Variants in GNAI2 observed in about 807,000 individuals in gnomAD.
The protein encoded by GNAI2 is guanine nucleotide-binding protein G(i) subunit alpha-2.
GNAI2 carries 4 observed loss-of-function variants against 36.8 expected under a neutral mutation model. The observed-to-expected ratio is 0.11, with a 90% confidence interval of 0.05 to 0.25. GNAI2 has a LOEUF of 0.25. GNAI2 is among the 10% of genes least tolerant of loss of function. GNAI2 has a pLI of 1.00. For synonymous variants in GNAI2, 194 were observed against 194.1 expected (o/e 1.00, Z 0.01); for missense variants, 230 against 481.3 (o/e 0.48, Z 4.89).
rs1046263371 is a variant in GNAI2, at chr3:50,238,041, G to T, written c.118+1588G>T. 6.6e-6 allele frequency: 1 copy of T among 152,290 alleles called. No individual in the cohort carries two copies. The highest frequency in any genetic ancestry group is 1.5e-5 in the Non-Finnish European group (1 of 68,070). The allele number at this position is 152,290 out of a possible 1,614,324, so 9.4% of individuals were successfully genotyped here. ...CTGCTGCCTCAGGGAGGAAGAGAAGGGGCGGGAAGGGGCGGCGGCCCAGCC... is the reference window on the plus strand; with the variant it reads ...CTGCTGCCTCAGGGAGGAAGAGAAGTGGCGGGAAGGGGCGGCGGCCCAGCC... On this transcript the variant is annotated intron_variant, in intron 1 of 8. Transcript: ENST00000313601. The surrounding 1 kb of genome is among the most constrained non-coding windows in gnomAD (Gnocchi z 5.0).
chr3:50,237,638 G>A (rs1212695541), intron 1 of GNAI2, among the ~76,000 whole-genome samples: 3 of 152,156 alleles, frequency 2.0e-5, no homozygotes, highest in Non-Finnish European at 4.4e-5. Flanking sequence ...CTGGGGGTGG[G>A]CCAGGGTGCC....
chr3:50,242,801 C>T lies in GNAI2; in HGVS notation c.118+6348C>T, dbSNP rs1380933762. Among the ~76,000 whole-genome samples the T allele has an allele frequency of 1.3e-5, 2 of 152,214 alleles. No individual in the cohort carries two copies. Among genetic ancestry groups the T allele is most frequent in the Non-Finnish European group, 2.9e-5 (2 of 68,044 alleles). ...AGGCCTAAAGGTGGGGTCATCTCAG[C>T]CTTGTTGGGGAGAAGATATCCTTAT... On this transcript the variant is annotated intron_variant, in intron 1 of 8. Coordinates refer to ENST00000313601, the MANE Select transcript of GNAI2 (RefSeq NM_002070.4). The surrounding 1 kb of genome is among the most constrained non-coding windows in gnomAD (Gnocchi z 4.8).
chr3:50,256,137 C>T (rs1700694186), intron 4 of GNAI2, 55 bp from the exon 5 acceptor site: 1 of 1,036,048 alleles, frequency 9.7e-7, no homozygotes, highest in Middle Eastern at 3.0e-4. Flanking sequence ...GCCCAGGGTC[C>T]AGCTAAGGAA....
At chr3:50,245,245 A>G (rs1194662386) in intron 1 of GNAI2, among the ~76,000 whole-genome samples, 1 of 151,788 alleles carries the variant, frequency 6.6e-6, no homozygotes, top group Non-Finnish European at 1.5e-5. Flanking sequence ...TGATCCGCCC[A>G]CCTCAGCCTC....
In GNAI2 at chr3:50,253,528, A is replaced by C. The variant is rs149526392; in HGVS notation, c.464+344A>C. On this transcript the variant is annotated intron_variant, in intron 4 of 8. Coordinates refer to ENST00000313601, the MANE Select transcript of GNAI2 (RefSeq NM_002070.4). This position sits in a 1 kb window ranked among gnomAD's most constrained non-coding sequence, Gnocchi z 4.2. ...GGGAGGCTGAGACAGGCGGGTCGTG[A>C]GATCAGGAGATCGAGACCATCCTGG... 3.6e-4 allele frequency among the ~76,000 whole-genome samples: 55 copies of C among 152,052 alleles called. No individual in the cohort carries two copies. The highest frequency in any genetic ancestry group is 6.9e-4 in the Non-Finnish European group (47 of 67,978).
upstream of GNAI2, among the ~76,000 whole-genome samples, chr3:50,231,372 G>A (rs1407271714): frequency 6.6e-6 from 1 of 152,188 alleles, no homozygotes; most frequent in Admixed American, 6.5e-5. Flanking sequence ...TCTGCCTCTT[G>A]GGTTCAAGCG....
intron 1 of GNAI2, among the ~76,000 whole-genome samples, chr3:50,239,131 C>T (rs150939703): frequency 1.3e-5 from 2 of 152,286 alleles, no homozygotes; most frequent in Admixed American, 1.3e-4. Context: ...AATCTGGGAC[C>T]CTGGTCTGGG....
At chr3:50,237,831 G>A (rs587697450) in intron 1 of GNAI2, among the ~76,000 whole-genome samples, 4 of 152,332 alleles carry the variant, frequency 2.6e-5, no homozygotes, top group African/African-American at 9.6e-5. Context: ...AAGTGCATGG[G>A]GGGGTGTGGC....
intron 7 of GNAI2, among the ~76,000 whole-genome samples, 185 bp from the exon 8 acceptor site, chr3:50,257,315 T>G (rs1339377432): frequency 6.6e-6 from 1 of 152,204 alleles, no homozygotes; most frequent in Non-Finnish European, 1.5e-5. Flanking sequence ...GGCATCCTCC[T>G]TCACACAGTG....
intron 1 of GNAI2, chr3:50,251,853 G>A: frequency 2.5e-6 from 3 of 1,184,200 alleles, no homozygotes; most frequent in Non-Finnish European, 2.2e-6. Flanking sequence ...CAGAGCTTGT[G>A]GGAGGCAAAG....
chr3:50,236,156 C>G, upstream of GNAI2: 2 of 1,160,960 alleles, frequency 1.7e-6, no homozygotes, highest in Non-Finnish European at 2.1e-6. This position sits in a 1 kb window ranked among gnomAD's most constrained non-coding sequence, Gnocchi z 4.0. Context: ...GCCCCACCCC[C>G]GGCCCGCCCC....
At position 50,256,840 on chromosome 3, in the gene GNAI2, G is replaced by A. The variant is rs1473721839; in HGVS notation, c.711G>A (p.Glu237=). ...ALSAYDLVLA[E]DEEMNRMHES... is the part of the protein sequence containing the mutation. ...GCGCCTATGACTTGGTGCTAGCTGA[G>A]GACGAGGAGATGGTGAGAGGATGAG... Residue 237 remains glutamate (E), a synonymous_variant, in exon 6 of 9, where the codon GAG becomes GAA. Transcript: ENST00000313601. 1 of 1,614,204 alleles carries A rather than the reference G, an allele frequency of 6.2e-7. No individual in the cohort carries two copies. Among genetic ancestry groups the A allele is most frequent in the Non-Finnish European group, 8.5e-7 (1 of 1,180,044 alleles).
rs1182860974 is a variant in GNAI2, at chr3:50,238,658, TG to T, written c.118+2206del. ...GGATGTAGGTTGGGAGTAAAGACCC[TG>T]CAGTGTGCTGCAAAGGGCTCTGACC... On this transcript the variant is annotated intron_variant, in intron 1 of 8. Transcript: ENST00000313601. This position sits in a 1 kb window ranked among gnomAD's most constrained non-coding sequence, Gnocchi z 5.0. Among the ~76,000 whole-genome samples the T allele has an allele frequency of 6.6e-6, 1 of 152,194 alleles. No individual in the cohort carries two copies. The highest frequency in any genetic ancestry group is 1.5e-5 in the Non-Finnish European group (1 of 68,024).
upstream of GNAI2, among the ~76,000 whole-genome samples, chr3:50,235,792 C>T (rs1700151406): frequency 6.6e-6 from 1 of 152,220 alleles, no homozygotes; most frequent in Non-Finnish European, 1.5e-5. Flanking sequence ...CCACCTAACT[C>T]GCCCAACTCG....
At position 50,252,749 on chromosome 3, in the gene GNAI2, A is replaced by C. The variant is rs1198132035; in HGVS notation, c.303+211A>C. Among the ~76,000 whole-genome samples, 1 of 152,182 alleles carries C rather than the reference A, an allele frequency of 6.6e-6. No individual in the cohort carries two copies. The highest frequency in any genetic ancestry group is 2.4e-5 in the African/African-American group (1 of 41,452). ...CATGGTGGCACGTGCCTGTAATCCC[A>C]GCTACTTGGGAGGCTGAAGCAGGAG... On this transcript the variant is annotated intron_variant, in intron 3 of 8. Coordinates refer to ENST00000313601, the MANE Select transcript of GNAI2 (RefSeq NM_002070.4). The surrounding 1 kb of genome is among the most constrained non-coding windows in gnomAD (Gnocchi z 4.1).
rs587681569 is a variant in GNAI2, at chr3:50,241,420, C to A, written c.118+4967C>A. Among the ~76,000 whole-genome samples the A allele has an allele frequency of 2.6e-5, 4 of 152,332 alleles. No individual in the cohort carries two copies. The South Asian group carries it at 8.3e-4, about 32-fold the overall frequency. ...GAACAGGGGTCCAAGCTATAGCTGA[C>A]CCCCTCTGCCTGCATCCTGCCCAGT... is the stretch of plus-strand genomic sequence containing the variant. On this transcript the variant is annotated intron_variant, in intron 1 of 8. Transcript: ENST00000313601. The surrounding 1 kb of genome is among the most constrained non-coding windows in gnomAD (Gnocchi z 5.0).
intron 1 of GNAI2, among the ~76,000 whole-genome samples, chr3:50,245,366 C>A (rs587689463): frequency 1.3e-5 from 2 of 152,296 alleles, no homozygotes; most frequent in Admixed American, 1.3e-4. Context: ...TGGGTTGGGC[C>A]CTGAGGCAGT....
At chr3:50,254,851 C>G (rs2109215682) in intron 4 of GNAI2, among the ~76,000 whole-genome samples, 1 of 152,352 alleles carries the variant, frequency 6.6e-6, no homozygotes, top group East Asian at 1.9e-4. Flanking sequence ...GATAGCTCCC[C>G]CTGGGAATGG....
chr3:50,258,975 C>G lies in GNAI2; in HGVS notation c.*632C>G, dbSNP rs587683945. 9.0e-6 allele frequency: 4 copies of G among 446,268 alleles called. No homozygotes were observed. The East Asian group carries it at 2.8e-4, about 31-fold the overall frequency. 27.6% of individuals were successfully genotyped at this position (446,268 alleles called of 1,614,324 possible). On this transcript the variant is annotated 3_prime_UTR_variant, in exon 9 of 9. Transcript: ENST00000313601. ...AACTGTCAGATCCTGACCAGCAAGC[C>G]CCCCCCCAGCCCCCCTTCCAAGTGA...
Sources: allele counts gnomAD v4.1 joint callset (sites outside exome capture counted in the v4.1 genomes callset), GRCh38; gene constraint gnomAD v4.1.1; non-coding constraint Gnocchi (gnomAD v3.1); transcripts MANE v1.5; gene names NCBI Gene and HGNC (gene_info 2026-07-23, HGNC 2026-07-21).